Variants in CD160 observed in about 807,000 individuals in gnomAD.
CD160 encodes CD160 antigen.
A neutral mutation model predicts 19.2 loss-of-function variants in CD160; 11 were observed. The ratio of observed to expected loss-of-function variants is 0.57; its 90% confidence interval spans 0.36 to 0.95. The LOEUF is 0.95. Among genes scored for constraint, CD160 ranks in the 40% least tolerant of loss-of-function variants. The probability of loss-of-function intolerance (pLI) is 0.01; values close to 1 mark genes in which losing one functional copy is unlikely to be tolerated. For synonymous variants in CD160, 75 were observed against 81.1 expected (o/e 0.93, Z 0.40); for missense variants, 182 against 213.2 (o/e 0.85, Z 0.91).
Position 145,731,004 on chromosome 1 carries a change from T to G in CD160, c.334T>G (p.Cys112Gly). The G allele has an allele frequency of 6.2e-7, 1 of 1,614,138 alleles. No homozygotes were observed. The highest frequency in any genetic ancestry group is 8.5e-7 in the Non-Finnish European group (1 of 1,180,026). ...VTPLHSGTYQ[C>G]CARSQKSGIR... Reference sequence around the variant, plus strand: ...ACCGTTGCACAGTGGGACCTACCAGTGTTGTGCCAGAAGCCAGAAGTCAGG... The same window carrying G: ...ACCGTTGCACAGTGGGACCTACCAGGGTTGTGCCAGAAGCCAGAAGTCAGG... The change falls in exon 4 of 6, where the codon TGT (cysteine) becomes GGT (glycine). Residue 112 changes from cysteine (C) to glycine (G), a missense_variant. Cys to Gly is a radical substitution (Grantham distance 159, BLOSUM62 -3). Coordinates refer to ENST00000369288, the MANE Select transcript of CD160 (RefSeq NM_007053.4).
chr1:145,720,238 T>G (rs1407115616), intron 1 of CD160, among the ~76,000 whole-genome samples: 1 of 152,264 alleles, frequency 6.6e-6, no homozygotes, highest in Non-Finnish European at 1.5e-5. Flanking sequence ...GCATGTGTAC[T>G]GCTCTACCAC....
At chr1:145,731,848 A>G (rs1359938849) in intron 4 of CD160, among the ~76,000 whole-genome samples, 4 of 152,204 alleles carry the variant, frequency 2.6e-5, no homozygotes, top group African/African-American at 9.7e-5. Flanking sequence ...AAACCAATTC[A>G]AAGTACCATA....
intron 5 of CD160, chr1:145,737,836 T>C (rs1257870593): frequency 1.3e-5 from 2 of 152,078 alleles, no homozygotes; most frequent in African/African-American, 4.8e-5. Flanking sequence ...TCCAATTTTT[T>C]GTTTTCTCCT....
chr1:145,739,124 TTC>T lies in CD160; in HGVS notation c.*635_*636del, dbSNP rs1657614736. 6.6e-6 allele frequency: 1 copy of T among 152,324 alleles called. No homozygotes were observed. Among genetic ancestry groups the T allele is most frequent in the Non-Finnish European group, 1.5e-5 (1 of 68,068 alleles). The allele number at this position is 152,324 out of a possible 1,614,324, so 9.4% of individuals were successfully genotyped here. On this transcript the variant is annotated 3_prime_UTR_variant, in exon 6 of 6. Transcript: ENST00000369288. ...AATACTTGTTAACCTCTTTGGTCAT[TTC>T]TCTTTTTAAATAAATGCCCATAGCA...
At chr1:145,728,047 G>A (rs1657121253) in intron 2 of CD160, among the ~76,000 whole-genome samples, 1 of 152,076 alleles carries the variant, frequency 6.6e-6, no homozygotes, top group South Asian at 2.1e-4. Flanking sequence ...TGAGAAAATA[G>A]CCTTTAGTGT....
intron 4 of CD160, among the ~76,000 whole-genome samples, chr1:145,734,131 CA>C (rs1657397492): frequency 6.6e-6 from 1 of 152,184 alleles, no homozygotes; most frequent in African/African-American, 2.4e-5. Flanking sequence ...GGAAGAATAG[CA>C]GTACTTTGTT....
In CD160 at chr1:145,739,161, GTCTTT is replaced by G. The variant is rs1241548369; in HGVS notation, c.*677_*681del. ...ATAAATGCCCATAGCAGTATTTGGA[GTCTTT>G]TCTTTTCTCCTAAATCCACAAACTC... On this transcript the variant is annotated 3_prime_UTR_variant, in exon 6 of 6. Coordinates refer to ENST00000369288, the MANE Select transcript of CD160 (RefSeq NM_007053.4). 1.3e-5 allele frequency: 2 copies of G among 152,374 alleles called. No individual in the cohort carries two copies. Among genetic ancestry groups the G allele is most frequent in the Non-Finnish European group, 2.9e-5 (2 of 68,056 alleles). The allele number at this position is 152,374 out of a possible 1,614,324, so 9.4% of individuals were successfully genotyped here.
intron 2 of CD160, among the ~76,000 whole-genome samples, chr1:145,725,216 A>G (rs10910844): frequency 0.53 from 79,922 of 151,442 alleles, 21,465 homozygotes; most frequent in East Asian, 0.7. Context: ...TTAGGAGTTC[A>G]AGATCACCCT....
intron 4 of CD160, among the ~76,000 whole-genome samples, chr1:145,734,977 C>T (rs782728651): frequency 3.9e-5 from 6 of 151,900 alleles, no homozygotes; most frequent in South Asian, 2.1e-4. Context: ...TGTGGTAGCA[C>T]GCACCTGTAA....
intron 4 of CD160, 119 bp downstream of exon 4, chr1:145,731,189 C>G: frequency 1.3e-6 from 1 of 743,072 alleles, no homozygotes; most frequent in Non-Finnish European, 2.3e-6. Flanking sequence ...CAATCCTTTT[C>G]CAACATCCCC....
At chr1:145,736,940 C>T (rs953891347) in intron 5 of CD160, 1 of 152,278 alleles carries the variant, frequency 6.6e-6, no homozygotes, top group East Asian at 1.9e-4. Flanking sequence ...GCAAACATCC[C>T]CTGGTTACTC....
chr1:145,728,710 G>A (rs186190753), intron 3 of CD160, among the ~76,000 whole-genome samples: 37 of 152,120 alleles, frequency 2.4e-4, no homozygotes, highest in African/African-American at 8.0e-4. Flanking sequence ...CACCATATTG[G>A]TCAGGCTGGC....
chr1:145,720,922 T>C (rs967277982), intron 1 of CD160, among the ~76,000 whole-genome samples: 10 of 152,166 alleles, frequency 6.6e-5, no homozygotes, highest in Non-Finnish European at 1.5e-5. Flanking sequence ...GTCTGTGAGC[T>C]GTCGCCTGAG....
intron 4 of CD160, among the ~76,000 whole-genome samples, chr1:145,734,481 C>G (rs1454920513): frequency 6.6e-6 from 1 of 152,198 alleles, no homozygotes; most frequent in Non-Finnish European, 1.5e-5. Flanking sequence ...GACTCTATAG[C>G]ATTTCATTCT....
At position 145,730,937 on chromosome 1, in the gene CD160, T is replaced by C. The variant is rs200656290; in HGVS notation, c.267T>C (p.Gly89=). ...GGGATCCTGGGATAGATGGTGTTGGTGAAATATCATCTCAGTTGATGTTCA... is the reference window on the plus strand; with the variant it reads ...GGGATCCTGGGATAGATGGTGTTGGCGAAATATCATCTCAGTTGATGTTCA... ...LKRDPGIDGV[G]EISSQLMFTI... is the part of the protein sequence containing the mutation. Residue 89 remains glycine (G), a synonymous_variant, in exon 4 of 6, where the codon GGT becomes GGC. Transcript: ENST00000369288. The C allele has an allele frequency of 6.2e-7, 1 of 1,614,096 alleles. No individual in the cohort carries two copies. Among genetic ancestry groups the C allele is most frequent in the Non-Finnish European group, 8.5e-7 (1 of 1,179,954 alleles).
chr1:145,739,260 A>T lies in CD160; in HGVS notation c.*767A>T, dbSNP rs1657618800. 6.6e-6 allele frequency: 1 copy of T among 152,258 alleles called. No homozygotes were observed. The highest frequency in any genetic ancestry group is 2.1e-4 in the South Asian group (1 of 4,834). The allele number at this position is 152,258 out of a possible 1,614,324, so 9.4% of individuals were successfully genotyped here. A position where few individuals can be genotyped will look rare whatever the true frequency, so the allele number is the denominator to read the frequency against. The stretch of plus-strand genomic sequence containing the variant: ...AGAGAGTGGGCAGGATATTCCTGAT[A>T]GGAGGAACTACATGAATAAAGGGGT... On this transcript the variant is annotated 3_prime_UTR_variant, in exon 6 of 6. Coordinates refer to ENST00000369288, the MANE Select transcript of CD160 (RefSeq NM_007053.4).
intron 5 of CD160, 104 bp downstream of exon 5, chr1:145,736,238 G>T: frequency 6.3e-7 from 1 of 1,577,618 alleles, no homozygotes; most frequent in East Asian, 2.3e-5. Context: ...GGATGTCCAG[G>T]GGGAGAGAAA....
At chr1:145,736,253 T>C (rs1486661077) in intron 5 of CD160, 119 bp downstream of exon 5, 8 of 1,565,420 alleles carry the variant, frequency 5.1e-6, no homozygotes, top group African/African-American at 1.4e-5. Flanking sequence ...GAGAAAAATG[T>C]TACTCAAGCC....
intron 4 of CD160, among the ~76,000 whole-genome samples, chr1:145,733,757 C>A (rs1456618407): frequency 6.6e-6 from 1 of 152,094 alleles, no homozygotes; most frequent in Non-Finnish European, 1.5e-5. Context: ...ATTTCCTCCT[C>A]CCACCTCTCA....
Sources: allele counts gnomAD v4.1 joint callset (sites outside exome capture counted in the v4.1 genomes callset), GRCh38; gene constraint gnomAD v4.1.1; transcripts MANE v1.5; gene names NCBI Gene and HGNC (gene_info 2026-07-23, HGNC 2026-07-21).